MSR1: variants seen among roughly 807,000 people sequenced by gnomAD.
The protein encoded by MSR1 is macrophage scavenger receptor 1.
Under a neutral mutation model 47.2 loss-of-function variants are expected in MSR1, and 53 were observed. The observed-to-expected ratio is 1.12, with a 90% CI of 0.90 to 1.41. The LOEUF (loss-of-function observed/expected upper bound fraction) is 1.41, where lower values mean the gene tolerates loss of function less well. MSR1 is among the 40% of genes most tolerant of loss of function. The probability of loss-of-function intolerance (pLI) is 0.00; values close to 1 mark genes in which losing one functional copy is unlikely to be tolerated. For missense variants in MSR1, 786 were observed against 546.9 expected, an observed-to-expected ratio of 1.44 and a Z score of -4.36; for synonymous variants, 239 against 185.6, an observed-to-expected ratio of 1.29 and a Z score of -2.34.
At chr8:16,155,653 A>C (rs1346483244) in intron 5 of MSR1, among the ~76,000 whole-genome samples, 1 of 151,944 alleles carries the variant, frequency 6.6e-6, no homozygotes, top group African/African-American at 2.4e-5. Flanking sequence ...TTGTCAGTGA[A>C]CTGTAGATCG....
chr8:16,153,544 C>T (rs1039803109), intron 6 of MSR1, among the ~76,000 whole-genome samples: 11 of 151,552 alleles, frequency 7.3e-5, no homozygotes, highest in Admixed American at 2.6e-4. Flanking sequence ...TAAACCATGA[C>T]AAATCGTTAA....
chr8:16,191,620 TGTAA>T (rs1486078207), intron 1 of MSR1, among the ~76,000 whole-genome samples: 21 of 152,202 alleles, frequency 1.4e-4, no homozygotes, highest in South Asian at 8.3e-4. Context: ...AACTGAAATG[TGTAA>T]GTAACTAGTC....
chr8:16,111,104 G>A (rs187762106), intron 9 of MSR1, among the ~76,000 whole-genome samples: 61 of 152,168 alleles, frequency 4.0e-4, no homozygotes, highest in Non-Finnish European at 8.8e-5. Flanking sequence ...TTGTATGTGT[G>A]AGCATGTTTG....
chr8:16,168,321 T>C, intron 4 of MSR1, 137 bp downstream of exon 4: 1 of 813,780 alleles, frequency 1.2e-6, no homozygotes, highest in Non-Finnish European at 2.0e-6. Flanking sequence ...AAAATCTGGA[T>C]AAGTTAGCCA....
At chr8:16,115,813 A>G (rs1209100075) in intron 9 of MSR1, among the ~76,000 whole-genome samples, 1 of 151,960 alleles carries the variant, frequency 6.6e-6, no homozygotes, top group African/African-American at 2.4e-5. Flanking sequence ...ACCTGTCTCT[A>G]TAAGAAATTA....
At chr8:16,139,543 G>GA in intron 8 of MSR1, 3 of 983,838 alleles carry the variant, frequency 3.0e-6, no homozygotes, top group Non-Finnish European at 3.6e-6. Flanking sequence ...GAAGAGTTGT[G>GA]AAAATGTAGT....
intron 3 of MSR1, among the ~76,000 whole-genome samples, chr8:16,171,983 G>T (rs13251251): frequency 0.045 from 6,868 of 152,208 alleles, 219 homozygotes; most frequent in Middle Eastern, 0.095. Flanking sequence ...CACTTGAAAA[G>T]TTTCAGGTTT....
At chr8:16,190,089 T>C (rs1802155620) in intron 1 of MSR1, among the ~76,000 whole-genome samples, 2 of 151,778 alleles carry the variant, frequency 1.3e-5, no homozygotes, top group South Asian at 4.2e-4. Flanking sequence ...CATTTTTGTA[T>C]TTTTCACCGC....
chr8:16,160,436 A>T (rs1454784344), intron 5 of MSR1, among the ~76,000 whole-genome samples: 1 of 152,028 alleles, frequency 6.6e-6, no homozygotes, highest in Non-Finnish European at 1.5e-5. Flanking sequence ...TTGCTCACCC[A>T]CTATTTTCCA....
chr8:16,171,569 A>G (rs952353273), intron 3 of MSR1, among the ~76,000 whole-genome samples: 11 of 152,160 alleles, frequency 7.2e-5, no homozygotes, highest in African/African-American at 2.4e-4. Flanking sequence ...AGCCTCATCC[A>G]TGCATTCATT....
At chr8:16,128,841 T>A (rs1181645317) in intron 8 of MSR1, among the ~76,000 whole-genome samples, 2 of 152,136 alleles carry the variant, frequency 1.3e-5, no homozygotes, top group Non-Finnish European at 1.5e-5. Context: ...AAAAATGACA[T>A]AAGTACTTAC....
intron 3 of MSR1, among the ~76,000 whole-genome samples, chr8:16,173,613 A>G (rs1353741140): frequency 2.0e-5 from 3 of 151,666 alleles, no homozygotes; most frequent in African/African-American, 7.3e-5. Context: ...GTTAATTGTT[A>G]CCTCTAGAAA....
chr8:16,143,492 A>G, intron 8 of MSR1, 66 bp downstream of exon 8: 1 of 1,423,802 alleles, frequency 7.0e-7, no homozygotes, highest in African/African-American at 1.4e-5. Flanking sequence ...TCAAGCCCAG[A>G]TCTCTAGTAT....
intron 1 of MSR1, among the ~76,000 whole-genome samples, chr8:16,190,911 G>A (rs573746117): frequency 6.6e-6 from 1 of 151,918 alleles, no homozygotes; most frequent in Admixed American, 6.6e-5. Flanking sequence ...AGTAGAGACA[G>A]GGTTTCTCCA....
At chr8:16,146,174 T>G (rs1476895922) in intron 7 of MSR1, among the ~76,000 whole-genome samples, 1 of 152,082 alleles carries the variant, frequency 6.6e-6, no homozygotes, top group Non-Finnish European at 1.5e-5. Flanking sequence ...ATCCCCCGTT[T>G]CTTTCAAGCT....
At chr8:16,189,589 T>C (rs1802125648) in intron 1 of MSR1, among the ~76,000 whole-genome samples, 1 of 97,826 alleles carries the variant, frequency 1.0e-5, no homozygotes, top group Admixed American at 1.4e-4. Flanking sequence ...ATTTTATATA[T>C]ATTTTATATA....
intron 9 of MSR1, among the ~76,000 whole-genome samples, chr8:16,119,579 T>C (rs896994221): frequency 6.6e-6 from 1 of 152,094 alleles, no homozygotes; most frequent in African/African-American, 2.4e-5. Flanking sequence ...TGTGACCTAT[T>C]ATTAACGCTA....
At chr8:16,134,783 A>T (rs1300177722) in intron 8 of MSR1, among the ~76,000 whole-genome samples, 1 of 152,216 alleles carries the variant, frequency 6.6e-6, no homozygotes, top group African/African-American at 2.4e-5. Context: ...AAAGCAATTA[A>T]AAGTGCCACT....
chr8:16,188,642 C>T (rs1348294085), intron 1 of MSR1, among the ~76,000 whole-genome samples: 1 of 151,944 alleles, frequency 6.6e-6, no homozygotes, highest in African/African-American at 2.4e-5. Flanking sequence ...GGAGTTTGTC[C>T]TAATGCTATG....
Sources: gnomAD v4.1 joint callset for allele counts (sites outside exome capture counted in the v4.1 genomes callset) on GRCh38, gnomAD v4.1.1 for gene constraint, MANE v1.5 for transcripts, NCBI Gene and HGNC (gene_info 2026-07-23, HGNC 2026-07-21) for gene names.